Variants in ENTREP2 observed in about 807,000 individuals in gnomAD.
The protein encoded by ENTREP2 is protein ENTREP2.
At chr15:29,624,585 C>G in the ENTREP2 span, among the ~76,000 whole-genome samples, 1 of 152,296 alleles carries the variant, frequency 6.6e-6, no homozygotes, top group East Asian at 1.9e-4. Context: ...TTTTGGAGAA[C>G]TGCATGAGCT....
At chr15:29,657,494 G>GTGGCCA in the ENTREP2 span, among the ~76,000 whole-genome samples, 270 of 128,684 alleles carry the variant, frequency 2.1e-3, 4 homozygotes, top group Non-Finnish European at 3.6e-3. Context: ...GGGGGGGGGG[G>GTGGCCA]GTGGCCAGCT....
At chr15:29,512,862 C>T in the ENTREP2 span, among the ~76,000 whole-genome samples, 1 of 152,180 alleles carries the variant, frequency 6.6e-6, no homozygotes, top group African/African-American at 2.4e-5. Flanking sequence ...ATGCACAAAT[C>T]CACTGGTAAA....
chr15:29,137,203 CAG>C, the ENTREP2 span: 19 of 1,470,214 alleles, frequency 1.3e-5, no homozygotes, highest in Non-Finnish European at 1.5e-5. Flanking sequence ...AACTGGAAAA[CAG>C]AGACAACCAC....
At chr15:29,457,914 C>A in the ENTREP2 span, among the ~76,000 whole-genome samples, 2 of 152,156 alleles carry the variant, frequency 1.3e-5, no homozygotes, top group Admixed American at 6.6e-5. Context: ...TTCCTCACAC[C>A]CGAACCAAGA....
chr15:29,223,964 T>C, the ENTREP2 span, among the ~76,000 whole-genome samples: 20 of 152,296 alleles, frequency 1.3e-4, no homozygotes, highest in Admixed American at 3.9e-4. Flanking sequence ...TGAACACAGA[T>C]AGCTCCACCT....
At chr15:29,511,585 C>A in the ENTREP2 span, among the ~76,000 whole-genome samples, 1 of 151,848 alleles carries the variant, frequency 6.6e-6, no homozygotes, top group Non-Finnish European at 1.5e-5. Flanking sequence ...CCTTGGCCTC[C>A]CAAAGTGCTG....
the ENTREP2 span, among the ~76,000 whole-genome samples, chr15:29,468,496 G>A: frequency 6.6e-6 from 1 of 151,856 alleles, no homozygotes; most frequent in Non-Finnish European, 1.5e-5. Context: ...TGTAATCCCA[G>A]CTACTTGGGA....
the ENTREP2 span, among the ~76,000 whole-genome samples, chr15:29,288,445 CTGGAAAGTTCTTCCCACA>C: frequency 6.6e-6 from 1 of 152,200 alleles, no homozygotes; most frequent in Non-Finnish European, 1.5e-5. Flanking sequence ...TTCTCTCTGC[CTGGAAAGTTCTTCCCACA>C]TGGCTCACTC....
chr15:29,442,184 G>A, the ENTREP2 span, among the ~76,000 whole-genome samples: 4 of 152,188 alleles, frequency 2.6e-5, no homozygotes, highest in African/African-American at 9.7e-5. Context: ...AGATGGGTAG[G>A]AAGCACCAGG....
the ENTREP2 span, among the ~76,000 whole-genome samples, chr15:29,346,125 A>G: frequency 6.6e-6 from 1 of 152,224 alleles, no homozygotes; most frequent in South Asian, 2.1e-4. Context: ...GCTGCGCTGC[A>G]CAACGACGCC....
chr15:29,359,479 T>C, the ENTREP2 span, among the ~76,000 whole-genome samples: 3 of 152,206 alleles, frequency 2.0e-5, no homozygotes, highest in Admixed American at 2.0e-4. Context: ...GTGGCATGAT[T>C]TCAGCTCACT....
chr15:29,439,265 A>G, the ENTREP2 span, among the ~76,000 whole-genome samples: 1 of 148,526 alleles, frequency 6.7e-6, no homozygotes, highest in African/African-American at 2.5e-5. Flanking sequence ...AGCATCTTAT[A>G]GTGCTAGAAA....
the ENTREP2 span, among the ~76,000 whole-genome samples, chr15:29,124,276 C>A: frequency 1.1e-4 from 16 of 152,216 alleles, no homozygotes; most frequent in Non-Finnish European, 2.2e-4. Context: ...TGGCGAGGGA[C>A]GCCAACAAGG....
chr15:29,352,608 C>A, the ENTREP2 span, among the ~76,000 whole-genome samples: 1 of 152,156 alleles, frequency 6.6e-6, no homozygotes, highest in East Asian at 1.9e-4. Context: ...CATCACCTGG[C>A]AGATTTACTA....
At chr15:29,205,812 T>C in the ENTREP2 span, among the ~76,000 whole-genome samples, 1 of 152,248 alleles carries the variant, frequency 6.6e-6, no homozygotes, top group African/African-American at 2.4e-5. Flanking sequence ...ATTCAACTTT[T>C]TGAATACTTG....
the ENTREP2 span, among the ~76,000 whole-genome samples, chr15:29,595,683 T>A: frequency 6.6e-6 from 1 of 152,216 alleles, no homozygotes; most frequent in Non-Finnish European, 1.5e-5. Context: ...GTGTCTTTAC[T>A]TATTTACTGG....
the ENTREP2 span, among the ~76,000 whole-genome samples, chr15:29,540,006 G>T: frequency 2.3e-3 from 351 of 152,208 alleles, 2 homozygotes; most frequent in African/African-American, 7.9e-3. Flanking sequence ...TGTGGCCCAG[G>T]CAGGCCAGTG....
At chr15:29,269,553 G>A in the ENTREP2 span, 6 of 1,515,414 alleles carry the variant, frequency 4.0e-6, no homozygotes, top group Middle Eastern at 3.5e-4. Context: ...CCGGCCCGCG[G>A]GACGTGCTCG....
chr15:29,220,190 C>T, the ENTREP2 span, among the ~76,000 whole-genome samples: 41 of 151,984 alleles, frequency 2.7e-4, no homozygotes, highest in African/African-American at 8.9e-4. Flanking sequence ...CAGGGGTCTG[C>T]GTGGGCTGGC....
Sources: gnomAD v4.1 joint callset for allele counts (sites outside exome capture counted in the v4.1 genomes callset) on GRCh38, gnomAD v4.1.1 for gene constraint, MANE v1.5 for transcripts, NCBI Gene and HGNC (gene_info 2026-07-23, HGNC 2026-07-21) for gene names.